Variants in WDR33 observed in about 807,000 individuals in gnomAD.
WDR33 encodes the protein WD repeat domain 33, also known as pre-mRNA 3' end processing protein WDR33.
A neutral mutation model predicts 164.9 loss-of-function variants in WDR33; 47 were observed. The observed-to-expected ratio is 0.29, with a 90% CI of 0.23 to 0.36. The LOEUF is 0.36. WDR33 is among the 10% of genes least tolerant of loss of function. The pLI, the probability that WDR33 is intolerant of heterozygous loss-of-function variation, is 1.00. For synonymous variants in WDR33, 505 were observed against 589.0 expected (o/e 0.86, Z 2.06); for missense variants, 1,137 against 1,754.1 (o/e 0.65, Z 6.28).
At position 127,722,757 on chromosome 2, in the gene WDR33, C is replaced by T. The variant is rs371827915; in HGVS notation, c.1379-27G>A. 189 of 1,603,240 alleles carry T rather than the reference C, an allele frequency of 1.2e-4. No homozygotes were observed. The highest frequency in any genetic ancestry group is 1.6e-4 in the Non-Finnish European group (183 of 1,175,936). On this transcript the variant is annotated intron_variant, in intron 13 of 21. Transcript: ENST00000322313. This position sits in a 1 kb window ranked among gnomAD's most constrained non-coding sequence, Gnocchi z 5.1. Reference sequence around the variant, plus strand: ...TGTAACCGTAAAGAAAAGTGGTTTGCCTCTTAAATAAAAGAAATTGGCCAC... The same window carrying T: ...TGTAACCGTAAAGAAAAGTGGTTTGTCTCTTAAATAAAAGAAATTGGCCAC...
At position 127,720,828 on chromosome 2, in the gene WDR33, G is replaced by T. The variant is rs779516757; in HGVS notation, c.1672-475C>A. ...TCCCGCCTCGCCTCCCAAAGTGCTGGGATTACAGGCGTGAGCCACTGTGCC... is the reference window on the plus strand; with the variant it reads ...TCCCGCCTCGCCTCCCAAAGTGCTGTGATTACAGGCGTGAGCCACTGTGCC... On this transcript the variant is annotated intron_variant, in intron 15 of 21. Coordinates refer to ENST00000322313, the MANE Select transcript of WDR33 (RefSeq NM_018383.5). The surrounding 1 kb of genome is among the most constrained non-coding windows in gnomAD (Gnocchi z 5.9). Among the ~76,000 whole-genome samples, 3 of 152,140 alleles carry T rather than the reference G, an allele frequency of 2.0e-5. No individual in the cohort carries two copies. Among genetic ancestry groups the T allele is most frequent in the Admixed American group, 6.6e-5 (1 of 15,266 alleles).
At chr2:127,803,366 G>A (rs1254290772) in intron 1 of WDR33, among the ~76,000 whole-genome samples, 1 of 152,078 alleles carries the variant, frequency 6.6e-6, no homozygotes, top group Non-Finnish European at 1.5e-5. Context: ...GATCACTTAA[G>A]GCCAGGGGTT....
chr2:127,737,349 G>T (rs1686875855), intron 7 of WDR33: 1 of 985,384 alleles, frequency 1.0e-6, no homozygotes, highest in African/African-American at 1.7e-5. Context: ...GTACTCTGAG[G>T]TGTGTGTGTA....
intron 7 of WDR33, among the ~76,000 whole-genome samples, chr2:127,727,627 C>T (rs1227919172): frequency 6.6e-6 from 1 of 152,026 alleles, no homozygotes; most frequent in East Asian, 1.9e-4. Context: ...GCTCACTTCA[C>T]AAGTGTAATA....
Position 127,723,421 on chromosome 2 carries a change from C to T in WDR33, c.1197-74G>A. On this transcript the variant is annotated intron_variant, in intron 11 of 21. Transcript: ENST00000322313. The surrounding 1 kb of genome is among the most constrained non-coding windows in gnomAD (Gnocchi z 5.9). The stretch of plus-strand genomic sequence containing the variant: ...TGGGCACTAAACAGTACTAGGCAGA[C>T]CCTTGGTAAACACAACACATTTTTA... The T allele has an allele frequency of 8.6e-7, 1 of 1,165,864 alleles. No homozygotes were observed. Among genetic ancestry groups the T allele is most frequent in the Non-Finnish European group, 1.3e-6 (1 of 799,190 alleles). The allele number at this position is 1,165,864 out of a possible 1,614,324, so 72.2% of individuals were successfully genotyped here. A position where few individuals can be genotyped will look rare whatever the true frequency, so the allele number is the denominator to read the frequency against.
intron 7 of WDR33, among the ~76,000 whole-genome samples, chr2:127,751,920 C>A (rs1256280797): frequency 6.6e-6 from 1 of 152,180 alleles, no homozygotes; most frequent in Non-Finnish European, 1.5e-5. Context: ...ACGGAAGACT[C>A]TGAGGACGCA....
At position 127,713,768 on chromosome 2, in the gene WDR33, T is replaced by G; in HGVS notation, c.3123A>C (p.Gln1041His). The G allele has an allele frequency of 6.2e-7, 1 of 1,614,248 alleles. No individual in the cohort carries two copies. Among genetic ancestry groups the G allele is most frequent in the South Asian group, 1.1e-5 (1 of 91,088 alleles). ...EFEGRGGPLP[Q>H]EEKWRRGGPG... is the part of the protein sequence containing the mutation. The stretch of plus-strand genomic sequence containing the variant: ...GGCCCCCTCGCCTCCACTTCTCTTC[T>G]TGCGGTAAAGGTCCTCCTCGCCCCT... Residue 1041 changes from glutamine to histidine, a missense_variant, in exon 18 of 22, where the codon CAA becomes CAC. Gln to His is a conservative substitution (Grantham distance 24). Coordinates refer to ENST00000322313, the MANE Select transcript of WDR33 (RefSeq NM_018383.5). The surrounding 1 kb of genome is among the most constrained non-coding windows in gnomAD (Gnocchi z 6.2).
rs575065864 is a variant in WDR33 at position 127,803,577 on chromosome 2, A to G, written c.-24+7435T>C. Among the ~76,000 whole-genome samples the G allele has an allele frequency of 4.4e-3, 669 of 152,256 alleles. 4 individuals are homozygous for G. Among genetic ancestry groups the G allele is most frequent in the Non-Finnish European group, 7.0e-3 (473 of 68,010 alleles). On this transcript the variant is annotated intron_variant, in intron 1 of 21. Transcript: ENST00000322313. ...AGGGAGACTGTCTCAAAAAATAAAT[A>G]AAATAAAATACCAATGTAAGCTGAT...
chr2:127,771,053 C>T (rs1394339846), intron 1 of WDR33, 49 bp from the exon 2 acceptor site: 6 of 1,389,980 alleles, frequency 4.3e-6, no homozygotes, highest in Non-Finnish European at 6.0e-6. Context: ...CACTGCAACA[C>T]TGCCTGAAAA....
intron 7 of WDR33, among the ~76,000 whole-genome samples, chr2:127,755,931 C>T (rs865780114): frequency 6.6e-6 from 1 of 152,156 alleles, no homozygotes; most frequent in South Asian, 2.1e-4. Flanking sequence ...AGAATACTTA[C>T]AATTTCCATT....
rs749720142 is a variant in WDR33, at chr2:127,706,358, G to A, written c.3976C>T (p.Arg1326Ter). 4.4e-6 allele frequency: 7 copies of A among 1,596,168 alleles called. No homozygotes were observed. The highest frequency in any genetic ancestry group is 5.1e-6 in the Non-Finnish European group (6 of 1,170,720). ...GSNMNSGPPR[R>*]GASRGGGRGR ...CTTCCACCACCCCGTGAAGCTCCTC[G>A]CCTCGGCGGGCCAGAGTTCATGTTA... The change falls in exon 22 of 22, where the codon CGA becomes TGA. Residue 1326 changes from arginine (R) to a stop codon, truncating the protein, a stop_gained. Transcript: ENST00000322313. LOFTEE classifies it high-confidence loss of function. This position sits in a 1 kb window ranked among gnomAD's most constrained non-coding sequence, Gnocchi z 5.1.
intron 7 of WDR33, among the ~76,000 whole-genome samples, chr2:127,752,544 T>G (rs576211683): frequency 1.8e-4 from 26 of 141,584 alleles, no homozygotes; most frequent in African/African-American, 6.4e-4. Flanking sequence ...GAGCCGAGAT[T>G]GCGCCACTGC....
chr2:127,763,265 G>A lies in WDR33; in HGVS notation c.627-106C>T. ...AAACACTGTGCTGCATTATAAACAG[G>A]AGAGGGAAGAATCCAGTGAAGAAGC... On this transcript the variant is annotated intron_variant, in intron 6 of 21. Transcript: ENST00000322313. This position sits in a 1 kb window ranked among gnomAD's most constrained non-coding sequence, Gnocchi z 4.5. The A allele has an allele frequency of 6.4e-7, 1 of 1,554,826 alleles. No homozygotes were observed. Among genetic ancestry groups the A allele is most frequent in the East Asian group, 2.4e-5 (1 of 42,534 alleles).
chr2:127,740,056 ATAC>A (rs1371322743), intron 7 of WDR33, among the ~76,000 whole-genome samples: 1 of 152,176 alleles, frequency 6.6e-6, no homozygotes, highest in East Asian at 1.9e-4. Context: ...AGAAAGACAG[ATAC>A]TACTAAGAAA....
intron 1 of WDR33, among the ~76,000 whole-genome samples, chr2:127,784,570 G>A (rs1016498126): frequency 4.6e-5 from 7 of 151,964 alleles, no homozygotes; most frequent in African/African-American, 1.7e-4. Context: ...TTGTAGAGAT[G>A]GGGTTTCACC....
At chr2:127,797,360 C>T (rs768984888) in intron 1 of WDR33, among the ~76,000 whole-genome samples, 17 of 151,944 alleles carry the variant, frequency 1.1e-4, no homozygotes, top group East Asian at 1.9e-4. Flanking sequence ...GGCGTGGTGG[C>T]GCACACCTGT....
At position 127,717,072 on chromosome 2, in the gene WDR33, G is replaced by T; in HGVS notation, c.2869+83C>A. ...AGGTTCAAATGACCAGTCTATCAATGACTGGCCAACAAAATTATTCACTGT... is the reference window on the plus strand; with the variant it reads ...AGGTTCAAATGACCAGTCTATCAATTACTGGCCAACAAAATTATTCACTGT... On this transcript the variant is annotated intron_variant, in intron 17 of 21. Coordinates refer to ENST00000322313, the MANE Select transcript of WDR33 (RefSeq NM_018383.5). The surrounding 1 kb of genome is among the most constrained non-coding windows in gnomAD (Gnocchi z 5.6). 7.1e-7 allele frequency: 1 copy of T among 1,405,812 alleles called. No individual in the cohort carries two copies. The highest frequency in any genetic ancestry group is 1.2e-5 in the South Asian group (1 of 81,004). 87.1% of individuals were successfully genotyped at this position (1,405,812 alleles called of 1,614,324 possible). A position where few individuals can be genotyped will look rare whatever the true frequency, so the allele number is the denominator to read the frequency against.
At chr2:127,728,885 A>G (rs918251716) in intron 7 of WDR33, among the ~76,000 whole-genome samples, 1 of 152,226 alleles carries the variant, frequency 6.6e-6, no homozygotes, top group African/African-American at 2.4e-5. Context: ...TTTATTACAT[A>G]AAGAACGTAT....
chr2:127,759,279 A>AT (rs1431836656), intron 7 of WDR33, among the ~76,000 whole-genome samples: 1 of 152,238 alleles, frequency 6.6e-6, no homozygotes, highest in South Asian at 2.1e-4. Flanking sequence ...TTTGTATAAC[A>AT]AATCCACCGT....
Sources: gnomAD v4.1 joint callset for allele counts (sites outside exome capture counted in the v4.1 genomes callset) on GRCh38, gnomAD v4.1.1 for gene constraint, Gnocchi (gnomAD v3.1) non-coding constraint, MANE v1.5 for transcripts, NCBI Gene and HGNC (gene_info 2026-07-23, HGNC 2026-07-21) for gene names.